Variants in MAGOH observed in about 807,000 individuals in gnomAD.
MAGOH encodes the protein protein mago nashi homolog.
In MAGOH, 3 loss-of-function variants were observed where a neutral mutation model predicts 20.9. The ratio of observed to expected loss-of-function variants is 0.14; its 90% CI spans 0.07 to 0.37. MAGOH has a LOEUF of 0.37. Ranked by LOEUF, MAGOH falls within the 10% of genes least tolerant of loss-of-function variation. MAGOH has a pLI of 1.00. For synonymous variants in MAGOH, 51 were observed against 61.0 expected (o/e 0.84, Z 0.76); for missense variants, 66 against 178.1 (o/e 0.37, Z 3.58).
At chr1:53,235,987 G>A (rs1645608489) in intron 1 of MAGOH, among the ~76,000 whole-genome samples, 5 of 152,190 alleles carry the variant, frequency 3.3e-5, no homozygotes, top group Admixed American at 2.0e-4. Context: ...ACCTCCTGAG[G>A]CTCAAATGAG....
chr1:53,234,660 C>G (rs1345039391), intron 2 of MAGOH, among the ~76,000 whole-genome samples: 1 of 152,164 alleles, frequency 6.6e-6, no homozygotes, highest in Non-Finnish European at 1.5e-5. Flanking sequence ...AGGTGTGAGT[C>G]ACCGCGCCCG....
At chr1:53,233,516 A>G (rs1342789446) in intron 3 of MAGOH, 26 bp downstream of exon 3, 6 of 1,523,002 alleles carry the variant, frequency 3.9e-6, no homozygotes, top group Non-Finnish European at 5.4e-6. Context: ...AGATTTCTGC[A>G]CTACAGGATA....
At chr1:53,230,198 C>T (rs1367353073) in intron 3 of MAGOH, among the ~76,000 whole-genome samples, 2 of 152,156 alleles carry the variant, frequency 1.3e-5, no homozygotes, top group Non-Finnish European at 2.9e-5. Context: ...TTTACTTTTT[C>T]TTCTTTTTGA....
At chr1:53,231,099 A>AT (rs1022265388) in intron 3 of MAGOH, among the ~76,000 whole-genome samples, 3 of 151,968 alleles carry the variant, frequency 2.0e-5, no homozygotes, top group African/African-American at 7.3e-5. Context: ...AATTCGGCAG[A>AT]TTTTTTTCTG....
chr1:53,233,281 CA>C (rs1645595129), intron 3 of MAGOH: 1 of 278,996 alleles, frequency 3.6e-6, no homozygotes, highest in Non-Finnish European at 6.7e-6. Flanking sequence ...TTTTAGTTAC[CA>C]AAATGGTGCT....
intron 1 of MAGOH, 110 bp downstream of exon 1, chr1:53,238,251 T>TTG (rs1453218051): frequency 4.3e-6 from 4 of 936,672 alleles, no homozygotes; most frequent in Non-Finnish European, 7.0e-6. Context: ...ACTGCACAGG[T>TTG]CTCAGTCCCT....
intron 2 of MAGOH, among the ~76,000 whole-genome samples, chr1:53,234,813 T>C (rs915905036): frequency 1.3e-5 from 2 of 152,186 alleles, no homozygotes; most frequent in African/African-American, 2.4e-5. Flanking sequence ...TGAAAATATA[T>C]GCTAAGACAT....
At chr1:53,228,567 T>C (rs1645571724) in intron 4 of MAGOH, among the ~76,000 whole-genome samples, 1 of 152,222 alleles carries the variant, frequency 6.6e-6, no homozygotes, top group Admixed American at 6.5e-5. Flanking sequence ...TCGGTGACTC[T>C]ACAGTTTATC....
At chr1:53,231,396 G>A (rs1158895564) in intron 3 of MAGOH, among the ~76,000 whole-genome samples, 1 of 152,128 alleles carries the variant, frequency 6.6e-6, no homozygotes, top group Non-Finnish European at 1.5e-5. Flanking sequence ...TTGTAAAGAA[G>A]TCAAATTTAC....
At chr1:53,228,478 T>TA (rs1165408678) in intron 4 of MAGOH, among the ~76,000 whole-genome samples, 2 of 152,076 alleles carry the variant, frequency 1.3e-5, no homozygotes, top group Non-Finnish European at 2.9e-5. Context: ...ACTTAGATCC[T>TA]AAAAAATGTC....
At chr1:53,235,982 C>G (rs1374749526) in intron 1 of MAGOH, among the ~76,000 whole-genome samples, 3 of 152,240 alleles carry the variant, frequency 2.0e-5, no homozygotes, top group African/African-American at 7.2e-5. Context: ...ATAGGACCTC[C>G]TGAGGCTCAA....
chr1:53,237,610 G>C (rs868010337), intron 1 of MAGOH, among the ~76,000 whole-genome samples: 2 of 141,202 alleles, frequency 1.4e-5, no homozygotes, highest in Admixed American at 1.5e-4. Context: ...GGAGGCGGAG[G>C]TTGCAATAAG....
At chr1:53,237,656 AAG>A (rs1273523475) in intron 1 of MAGOH, among the ~76,000 whole-genome samples, 1 of 131,370 alleles carries the variant, frequency 7.6e-6, no homozygotes, top group Non-Finnish European at 1.7e-5. Context: ...CCTGGGCAAA[AAG>A]AGCGAAAGCC....
chr1:53,235,701 C>A, intron 1 of MAGOH, 66 bp from the exon 2 acceptor site: 1 of 1,332,908 alleles, frequency 7.5e-7, no homozygotes, highest in Non-Finnish European at 1.1e-6. Context: ...AATACCATGC[C>A]AAGGCATCAG....
At chr1:53,238,300 T>C in intron 1 of MAGOH, 61 bp downstream of exon 1, 1 of 1,508,724 alleles carries the variant, frequency 6.6e-7, no homozygotes, top group East Asian at 2.3e-5. Flanking sequence ...ACCCTCGGCC[T>C]CCCCACTCGC....
intron 2 of MAGOH, 88 bp from the exon 3 acceptor site, chr1:53,233,740 C>A: frequency 2.4e-6 from 2 of 850,730 alleles, no homozygotes; most frequent in Non-Finnish European, 3.9e-6. Context: ...AATAACTGTT[C>A]CTGCAGACTT....
intron 4 of MAGOH, among the ~76,000 whole-genome samples, chr1:53,227,528 CTTTT>C (rs888738135): frequency 6.6e-6 from 1 of 151,898 alleles, no homozygotes; most frequent in Non-Finnish European, 1.5e-5. Flanking sequence ...AGTTAGAAAA[CTTTT>C]TTTGTTTTGT....
intron 4 of MAGOH, 104 bp from the exon 5 acceptor site, chr1:53,227,248 T>G: frequency 1.9e-6 from 1 of 522,468 alleles, no homozygotes; most frequent in African/African-American, 2.0e-5. Flanking sequence ...ATGAGGTAAT[T>G]TAAATATGCT....
chr1:53,234,798 CAA>C (rs1244475853), intron 2 of MAGOH, among the ~76,000 whole-genome samples: 1 of 152,044 alleles, frequency 6.6e-6, no homozygotes, highest in Non-Finnish European at 1.5e-5. Context: ...GCTAAAATAA[CAA>C]TATGAAAATA....
Sources: gnomAD v4.1 joint callset for allele counts (sites outside exome capture counted in the v4.1 genomes callset) on GRCh38, gnomAD v4.1.1 for gene constraint, MANE v1.5 for transcripts, NCBI Gene and HGNC (gene_info 2026-07-23, HGNC 2026-07-21) for gene names.